FAF1: variants seen among roughly 807,000 people sequenced by gnomAD.
FAF1 encodes the protein FAS-associated factor 1.
FAF1 carries 25 observed loss-of-function variants against 92.5 expected under a neutral mutation model. The observed-to-expected ratio is 0.27, with a 90% CI of 0.20 to 0.38. FAF1 has a LOEUF of 0.38. FAF1 is among the 10% of genes least tolerant of loss of function. The pLI, the probability that FAF1 is intolerant of heterozygous loss-of-function variation, is 1.00. For missense variants in FAF1, 636 were observed against 793.3 expected (o/e 0.80, Z 2.38); for synonymous variants, 234 against 273.2 (o/e 0.86, Z 1.42).
At chr1:50,629,448 T>C (rs1653661633) in intron 8 of FAF1, among the ~76,000 whole-genome samples, 1 of 152,066 alleles carries the variant, frequency 6.6e-6, no homozygotes, top group East Asian at 1.9e-4. Context: ...AGATTACAGG[T>C]GTGAGCCACC....
At chr1:50,529,557 G>C (rs1305973993) in intron 15 of FAF1, among the ~76,000 whole-genome samples, 1 of 152,168 alleles carries the variant, frequency 6.6e-6, no homozygotes, top group Middle Eastern at 3.2e-3. Flanking sequence ...TTAGTAGATA[G>C]GTACTCCAGT....
chr1:50,493,175 C>T lies in FAF1; in HGVS notation c.1495-1374G>A, dbSNP rs370969315. Among the ~76,000 whole-genome samples the T allele has an allele frequency of 2.9e-4, 44 of 151,742 alleles. No homozygotes were observed. In the South Asian group the frequency reaches 4.6e-3, roughly 16 times the overall value. ...AGCCTCCCGAGTAGCTGGGATTACA[C>T]GCACCCGACATCACGCCCAGCTAAT... On this transcript the variant is annotated intron_variant, in intron 15 of 18. Transcript: ENST00000396153.
At position 50,925,976 on chromosome 1, in the gene FAF1, G is replaced by A. The variant is rs118058004; in HGVS notation, c.45+33791C>T. On this transcript the variant is annotated intron_variant, in intron 1 of 18. Coordinates refer to ENST00000396153, the MANE Select transcript of FAF1 (RefSeq NM_007051.3). ...CATGCACGTAATCCCAGTGATTTGG[G>A]AGGCTGAGGCAGGAGGGTCGCTTAA... Among the ~76,000 whole-genome samples, 105 of 152,340 alleles carry A rather than the reference G, an allele frequency of 6.9e-4. 1 individual carries two copies. The East Asian group carries it at 0.017, about 24-fold the overall frequency.
intron 1 of FAF1, among the ~76,000 whole-genome samples, chr1:50,905,843 A>C (rs1045787821): frequency 2.0e-5 from 3 of 152,098 alleles, no homozygotes; most frequent in African/African-American, 7.2e-5. Context: ...GTTCACTCTG[A>C]TGGCAGTTTC....
intron 15 of FAF1, among the ~76,000 whole-genome samples, chr1:50,534,568 C>G (rs954104470): frequency 2.0e-5 from 3 of 152,086 alleles, no homozygotes; most frequent in Non-Finnish European, 4.4e-5. Flanking sequence ...GCCCCTGTGC[C>G]CAGCCTCTTC....
chr1:50,795,160 G>C (rs1034756729), intron 3 of FAF1, among the ~76,000 whole-genome samples: 17 of 152,282 alleles, frequency 1.1e-4, no homozygotes, highest in African/African-American at 3.6e-4. Context: ...TCTAGCTAGA[G>C]AAACTATGGA....
intron 1 of FAF1, among the ~76,000 whole-genome samples, chr1:50,866,616 C>T (rs1018779260): frequency 2.0e-5 from 3 of 151,630 alleles, no homozygotes; most frequent in African/African-American, 7.3e-5. Flanking sequence ...AAACAAAAAA[C>T]CTTAGGAATA....
At chr1:50,760,740 G>C (rs1660291789) in intron 4 of FAF1, among the ~76,000 whole-genome samples, 2 of 152,128 alleles carry the variant, frequency 1.3e-5, no homozygotes, top group African/African-American at 4.8e-5. Flanking sequence ...AAGCTGGAAA[G>C]ATCCAAAATT....
At chr1:50,707,318 A>G (rs1203298380) in intron 6 of FAF1, among the ~76,000 whole-genome samples, 2 of 152,190 alleles carry the variant, frequency 1.3e-5, no homozygotes, top group Non-Finnish European at 2.9e-5. Flanking sequence ...GTAACATGAA[A>G]TATTAGTAAC....
intron 4 of FAF1, among the ~76,000 whole-genome samples, chr1:50,768,011 T>C (rs965233116): frequency 6.6e-6 from 1 of 152,152 alleles, no homozygotes; most frequent in East Asian, 1.9e-4. Flanking sequence ...GCAAGTTAGA[T>C]ACAGAAGAAA....
At chr1:50,567,287 T>A in intron 12 of FAF1, 56 bp from the exon 13 acceptor site, 1 of 1,393,348 alleles carries the variant, frequency 7.2e-7, no homozygotes, top group Non-Finnish European at 9.8e-7. Context: ...TAAGATTTCT[T>A]AAATTTTAGA....
chr1:50,870,443 C>A (rs541645827), intron 1 of FAF1, among the ~76,000 whole-genome samples: 2 of 152,276 alleles, frequency 1.3e-5, no homozygotes, highest in Non-Finnish European at 2.9e-5. Flanking sequence ...GGTGACAGGG[C>A]AAGACTCCAT....
chr1:50,772,187 T>C (rs530476236), intron 4 of FAF1, among the ~76,000 whole-genome samples: 19 of 152,040 alleles, frequency 1.2e-4, no homozygotes, highest in African/African-American at 4.6e-4. Context: ...AATAAATAAA[T>C]AAATAAATAA....
chr1:50,682,892 G>A (rs552802828), intron 7 of FAF1, among the ~76,000 whole-genome samples: 1 of 151,964 alleles, frequency 6.6e-6, no homozygotes, highest in Admixed American at 6.6e-5. Context: ...AGGTGATCGA[G>A]ACCATACTGG....
intron 15 of FAF1, among the ~76,000 whole-genome samples, chr1:50,509,233 A>G (rs1412340469): frequency 6.6e-6 from 1 of 152,214 alleles, no homozygotes; most frequent in Non-Finnish European, 1.5e-5. Flanking sequence ...AGTGAAAAAG[A>G]GAGAGAGAAA....
chr1:50,802,946 A>G (rs550181967), intron 2 of FAF1, among the ~76,000 whole-genome samples: 38 of 152,336 alleles, frequency 2.5e-4, no homozygotes, highest in African/African-American at 9.1e-4. Flanking sequence ...TGTTGAATGG[A>G]AATAAATAGA....
intron 4 of FAF1, among the ~76,000 whole-genome samples, chr1:50,748,082 T>C (rs561762760): frequency 5.9e-5 from 9 of 152,322 alleles, no homozygotes; most frequent in African/African-American, 1.7e-4. Flanking sequence ...AACAGACTAA[T>C]ACAAATGTGT....
chr1:50,921,325 A>G (rs997905684), intron 1 of FAF1, among the ~76,000 whole-genome samples: 3 of 152,216 alleles, frequency 2.0e-5, no homozygotes, highest in Non-Finnish European at 4.4e-5. Flanking sequence ...GGCTGCGTGC[A>G]CCATCCAAGA....
chr1:50,539,297 T>C (rs1297874592), intron 14 of FAF1, among the ~76,000 whole-genome samples: 2 of 152,232 alleles, frequency 1.3e-5, no homozygotes, highest in Non-Finnish European at 2.9e-5. Flanking sequence ...AATGTCACAC[T>C]TGACAACTGA....
Sources: gnomAD v4.1 joint callset for allele counts (sites outside exome capture counted in the v4.1 genomes callset) on GRCh38, gnomAD v4.1.1 for gene constraint, MANE v1.5 for transcripts, NCBI Gene and HGNC (gene_info 2026-07-23, HGNC 2026-07-21) for gene names.